Variants in C12orf42 observed in about 807,000 individuals in gnomAD.
C12orf42 encodes uncharacterized protein C12orf42.
Under a neutral mutation model 21.6 loss-of-function variants are expected in C12orf42, and 25 were observed. The ratio of observed to expected loss-of-function variants is 1.16; its 90% CI spans 0.84 to 1.62. The LOEUF is 1.62. Ranked by LOEUF, C12orf42 falls within the 40% of genes most tolerant of loss-of-function variation. The pLI is 0.00. For synonymous variants in C12orf42, 174 were observed against 175.0 expected, an observed-to-expected ratio of 0.99 and a Z score of 0.05; for missense variants, 483 against 459.3, an observed-to-expected ratio of 1.05 and a Z score of -0.47.
intron 4 of C12orf42, among the ~76,000 whole-genome samples, chr12:103,283,514 C>T (rs1348382112): frequency 6.6e-6 from 1 of 152,198 alleles, no homozygotes; most frequent in East Asian, 1.9e-4. Context: ...ACTCATCCAC[C>T]TCACCTCTGA....
intron 4 of C12orf42, among the ~76,000 whole-genome samples, chr12:103,344,666 G>C (rs1186249287): frequency 1.3e-5 from 2 of 152,082 alleles, no homozygotes; most frequent in African/African-American, 4.8e-5. Context: ...TGAGGCACAG[G>C]GGCTAGATCA....
the C12orf42 span, chr12:103,548,904 A>G: frequency 6.6e-6 from 1 of 152,180 alleles, no homozygotes; most frequent in African/African-American, 2.4e-5. Context: ...CAAGAAAAAA[A>G]TCTGAGTTCT....
chr12:103,499,959 TAAAG>T (rs1955678687), upstream of C12orf42, among the ~76,000 whole-genome samples: 1 of 152,114 alleles, frequency 6.6e-6, no homozygotes, highest in Admixed American at 6.5e-5. Context: ...AAATGGAAAA[TAAAG>T]AGATTTTGAA....
At chr12:103,348,450 A>G (rs1028496553) in intron 4 of C12orf42, among the ~76,000 whole-genome samples, 1 of 152,224 alleles carries the variant, frequency 6.6e-6, no homozygotes, top group African/African-American at 2.4e-5. Flanking sequence ...CCAAGTGAAC[A>G]ATGAACAGAG....
the C12orf42 span, among the ~76,000 whole-genome samples, chr12:103,184,147 G>A: frequency 6.6e-6 from 1 of 152,182 alleles, no homozygotes; most frequent in Admixed American, 6.5e-5. Context: ...GGGACACTGT[G>A]TGTTGACATC....
intron 2 of C12orf42, among the ~76,000 whole-genome samples, chr12:103,465,782 G>C (rs1483378008): frequency 6.6e-6 from 1 of 152,134 alleles, no homozygotes; most frequent in Non-Finnish European, 1.5e-5. Flanking sequence ...TCAATACCTA[G>C]TTTATTGAGA....
intron 2 of C12orf42, among the ~76,000 whole-genome samples, chr12:103,440,237 A>G (rs1951094632): frequency 7.5e-6 from 1 of 133,522 alleles, no homozygotes; most frequent in African/African-American, 2.8e-5. Context: ...GAAGAGGAAT[A>G]TCACACGCTG....
intron 2 of C12orf42, among the ~76,000 whole-genome samples, chr12:103,448,160 T>C (rs1951698090): frequency 6.6e-6 from 1 of 151,926 alleles, no homozygotes; most frequent in South Asian, 2.1e-4. Context: ...CCAACTGACC[T>C]TCAACAAAGC....
At chr12:103,419,243 T>TA (rs1409561940) in intron 2 of C12orf42, among the ~76,000 whole-genome samples, 1 of 152,066 alleles carries the variant, frequency 6.6e-6, no homozygotes, top group Admixed American at 6.6e-5. Context: ...CAAAGAACCT[T>TA]AAAAAAATTG....
chr12:103,164,669 T>C, the C12orf42 span: 2 of 450,568 alleles, frequency 4.4e-6, no homozygotes, highest in South Asian at 1.6e-5. Flanking sequence ...GTTACTTTTG[T>C]AAACCTTTTG....
chr12:103,524,317 G>A, the C12orf42 span, among the ~76,000 whole-genome samples: 1 of 152,164 alleles, frequency 6.6e-6, no homozygotes, highest in African/African-American at 2.4e-5. Flanking sequence ...GTCCTATAAG[G>A]AGGAATCAAA....
chr12:103,468,207 C>A (rs182376583), intron 2 of C12orf42, among the ~76,000 whole-genome samples: 11 of 152,282 alleles, frequency 7.2e-5, no homozygotes, highest in African/African-American at 2.6e-4. Flanking sequence ...TCTTAACCAC[C>A]TTCCTGATTT....
chr12:103,340,885 G>A (rs569696304), intron 4 of C12orf42, among the ~76,000 whole-genome samples: 7 of 152,062 alleles, frequency 4.6e-5, no homozygotes, highest in African/African-American at 7.2e-5. Context: ...AGGCCTAGGC[G>A]GGGGGATCAC....
chr12:103,174,629 G>A, the C12orf42 span, among the ~76,000 whole-genome samples: 4 of 150,832 alleles, frequency 2.7e-5, no homozygotes, highest in African/African-American at 9.7e-5. Flanking sequence ...AAATCTGTTA[G>A]TTAACAGCAA....
the C12orf42 span, among the ~76,000 whole-genome samples, chr12:103,064,360 T>C: frequency 1.3e-5 from 2 of 152,304 alleles, no homozygotes; most frequent in African/African-American, 4.8e-5. Flanking sequence ...AAGGTGGTTG[T>C]AGCTACTGTA....
chr12:103,140,249 T>A, the C12orf42 span, among the ~76,000 whole-genome samples: 1 of 152,154 alleles, frequency 6.6e-6, no homozygotes, highest in African/African-American at 2.4e-5. Flanking sequence ...TGGCTTCTGT[T>A]TTTGAGTCAT....
the C12orf42 span, among the ~76,000 whole-genome samples, chr12:103,051,687 A>G: frequency 6.6e-6 from 1 of 152,176 alleles, no homozygotes; most frequent in Non-Finnish European, 1.5e-5. Flanking sequence ...ATCCATGAGC[A>G]GGGTTTTGGG....
chr12:103,258,777 GTTT>G (rs1480597489), intron 10 of C12orf42, among the ~76,000 whole-genome samples: 3 of 152,044 alleles, frequency 2.0e-5, no homozygotes, highest in African/African-American at 7.2e-5. Flanking sequence ...TATAACTGAA[GTTT>G]TGCAAGATTT....
the C12orf42 span, among the ~76,000 whole-genome samples, chr12:103,552,285 G>T: frequency 6.6e-6 from 1 of 152,174 alleles, no homozygotes; most frequent in Non-Finnish European, 1.5e-5. Context: ...ACCTCACTTT[G>T]ATATAAGTGG....
Sources: gnomAD v4.1 joint callset for allele counts (sites outside exome capture counted in the v4.1 genomes callset) on GRCh38, gnomAD v4.1.1 for gene constraint, MANE v1.5 for transcripts, NCBI Gene and HGNC (gene_info 2026-07-23, HGNC 2026-07-21) for gene names.